Variants in LDLRAD4 observed in about 807,000 individuals in gnomAD.
LDLRAD4 encodes low density lipoprotein receptor class A domain containing 4.
Under a neutral mutation model 17.0 loss-of-function variants are expected in LDLRAD4, and 5 were observed. That is an observed-to-expected ratio of 0.29 (90% CI 0.15 to 0.62). LDLRAD4 has a LOEUF of 0.62. Ranked by LOEUF, LDLRAD4 falls within the 20% of genes least tolerant of loss-of-function variation. LDLRAD4 has a pLI of 0.84. For synonymous variants in LDLRAD4, 168 were observed against 171.8 expected (o/e 0.98, Z 0.17); for missense variants, 340 against 424.7 (o/e 0.80, Z 1.75).
intron 2 of LDLRAD4, among the ~76,000 whole-genome samples, chr18:13,437,549 T>C (rs1408149485): frequency 6.6e-6 from 1 of 152,254 alleles, no homozygotes; most frequent in Non-Finnish European, 1.5e-5. Context: ...GGAGCCTGTG[T>C]TCAGTGTGGC....
chr18:13,270,340 G>T (rs12456143), intron 1 of LDLRAD4, among the ~76,000 whole-genome samples: 21,459 of 151,188 alleles, frequency 0.14, 1,867 homozygotes, highest in Admixed American at 0.27. Context: ...AATCTAGCCT[G>T]GGTGACTCTG....
At chr18:13,342,968 G>A (rs868529849) in intron 1 of LDLRAD4, among the ~76,000 whole-genome samples, 2 of 151,712 alleles carry the variant, frequency 1.3e-5, no homozygotes, top group Middle Eastern at 3.4e-3. Flanking sequence ...GGATTTTTCT[G>A]TAATGACATG....
intron 2 of LDLRAD4, among the ~76,000 whole-genome samples, chr18:13,392,499 G>C (rs1285132980): frequency 1.3e-5 from 2 of 152,232 alleles, no homozygotes; most frequent in Non-Finnish European, 2.9e-5. Context: ...CCTCTGAGCA[G>C]AGGGAAGCAG....
chr18:13,646,040 T>TAAAA (rs2043004489), exon 6 of LDLRAD4: 1 of 166,576 alleles, frequency 6.0e-6, no homozygotes, highest in Non-Finnish European at 1.3e-5. Context: ...TATAATTAAC[T>TAAAA]GAATAAAGAA....
At chr18:13,489,327 T>C (rs1341680462) in intron 3 of LDLRAD4, 1 of 152,144 alleles carries the variant, frequency 6.6e-6, no homozygotes, top group African/African-American at 2.4e-5. Context: ...GCTGATTTTG[T>C]ATTTTAGTAG....
chr18:13,312,143 A>G (rs1484100569), intron 1 of LDLRAD4, among the ~76,000 whole-genome samples: 4 of 152,110 alleles, frequency 2.6e-5, no homozygotes, highest in Admixed American at 2.6e-4. Flanking sequence ...CCAAATCTGA[A>G]ACTTTTTGAG....
chr18:13,363,361 G>C (rs1192582367), intron 1 of LDLRAD4, among the ~76,000 whole-genome samples: 2 of 149,470 alleles, frequency 1.3e-5, no homozygotes, highest in African/African-American at 2.4e-5. Flanking sequence ...AAAAAGAATG[G>C]AGAAGGAGGT....
At chr18:13,590,977 T>G (rs2095019584) in intron 3 of LDLRAD4, among the ~76,000 whole-genome samples, 1 of 152,154 alleles carries the variant, frequency 6.6e-6, no homozygotes, top group Non-Finnish European at 1.5e-5. Context: ...TGTCTTCAGA[T>G]TTTTCTTGAA....
chr18:13,446,810 C>T (rs1308228312), intron 3 of LDLRAD4, among the ~76,000 whole-genome samples: 2 of 152,274 alleles, frequency 1.3e-5, no homozygotes, highest in Non-Finnish European at 2.9e-5. Context: ...GGCTTTTAGC[C>T]TCTGATCCCC....
At chr18:13,432,848 C>T (rs1056044040) in intron 2 of LDLRAD4, among the ~76,000 whole-genome samples, 4 of 152,200 alleles carry the variant, frequency 2.6e-5, no homozygotes, top group African/African-American at 9.7e-5. Flanking sequence ...TCCCAAGTAG[C>T]TGAGACTATA....
chr18:13,336,887 A>G (rs1367496988), intron 1 of LDLRAD4, among the ~76,000 whole-genome samples: 1 of 152,120 alleles, frequency 6.6e-6, no homozygotes, highest in Non-Finnish European at 1.5e-5. Flanking sequence ...CACTAGCAAC[A>G]TTCTAGGGAG....
chr18:13,576,938 C>G (rs1284147902), intron 3 of LDLRAD4, among the ~76,000 whole-genome samples: 1 of 152,248 alleles, frequency 6.6e-6, no homozygotes, highest in Non-Finnish European at 1.5e-5. Flanking sequence ...TTAAGCAAAA[C>G]AACATGTCGT....
chr18:13,550,547 C>T lies in LDLRAD4; in HGVS notation c.182-70570C>T, dbSNP rs1601314953. Among the ~76,000 whole-genome samples the T allele has an allele frequency of 2.0e-5, 3 of 152,202 alleles. No homozygotes were observed. In the South Asian group the frequency reaches 6.2e-4, roughly 32 times the overall value. ...AACACATGCTGTGAGAATGAGAAGG[C>T]GTCCCTGAGGACGGCCAGGAGGAAG... On this transcript the variant is annotated intron_variant, in intron 3 of 5. Coordinates refer to ENST00000359446, the Ensembl canonical transcript of LDLRAD4.
At chr18:13,458,748 ACT>A (rs1303149710) in intron 3 of LDLRAD4, among the ~76,000 whole-genome samples, 5 of 151,980 alleles carry the variant, frequency 3.3e-5, no homozygotes, top group African/African-American at 9.7e-5. Context: ...AAAAACAGAG[ACT>A]CTTTCCCAGC....
chr18:13,481,040 T>A (rs2093070396), intron 3 of LDLRAD4, among the ~76,000 whole-genome samples: 1 of 152,202 alleles, frequency 6.6e-6, no homozygotes, highest in Non-Finnish European at 1.5e-5. Flanking sequence ...GATGCACATG[T>A]CCTAGGGACG....
At chr18:13,586,509 A>G (rs2094937302) in intron 3 of LDLRAD4, among the ~76,000 whole-genome samples, 1 of 151,922 alleles carries the variant, frequency 6.6e-6, no homozygotes, top group Non-Finnish European at 1.5e-5. Context: ...TCAGATTATG[A>G]CAGTCGCTGT....
Position 13,511,699 on chromosome 18 carries a change from G to A in LDLRAD4, c.181+73315G>A, listed in dbSNP as rs73425676. ...ATGAGAAAGACAGTGATTGTTTCTG[G>A]CCCCTCAGTAGGAAAGGCGGGGACA... On this transcript the variant is annotated intron_variant, in intron 3 of 5. Coordinates refer to ENST00000359446, the Ensembl canonical transcript of LDLRAD4. Among the ~76,000 whole-genome samples, 404 of 152,272 alleles carry A rather than the reference G, an allele frequency of 2.7e-3. 3 individuals are homozygous for A. The highest frequency in any genetic ancestry group is 9.1e-3 in the African/African-American group (380 of 41,552).
chr18:13,628,066 CGGAGGG>C (rs780581079), intron 4 of LDLRAD4, among the ~76,000 whole-genome samples: 94 of 152,334 alleles, frequency 6.2e-4, no homozygotes, highest in Admixed American at 2.5e-3. Flanking sequence ...TGGGATCCCT[CGGAGGG>C]CACAGGGAGC....
intron 1 of LDLRAD4, among the ~76,000 whole-genome samples, chr18:13,374,455 T>G (rs755864609): frequency 3.9e-5 from 6 of 152,188 alleles, no homozygotes; most frequent in Admixed American, 6.5e-5. Flanking sequence ...AGCATCAGCA[T>G]CCCCTGGGAG....
Sources: allele counts gnomAD v4.1 joint callset (sites outside exome capture counted in the v4.1 genomes callset), GRCh38; gene constraint gnomAD v4.1.1; transcripts MANE v1.5; gene names NCBI Gene and HGNC (gene_info 2026-07-23, HGNC 2026-07-21).